The following FBLN2 variants were observed in gnomAD, a reference collection of about 807,000 sequenced individuals.
The protein encoded by FBLN2 is fibulin-2.
In FBLN2, 81 loss-of-function variants were observed where a neutral mutation model predicts 123.7. The observed-to-expected ratio is 0.65, with a 90% CI of 0.55 to 0.79. The LOEUF (loss-of-function observed/expected upper bound fraction) is 0.79, where lower values mean the gene tolerates loss of function less well. Ranked by LOEUF, FBLN2 falls within the 30% of genes least tolerant of loss-of-function variation. The pLI, the probability that FBLN2 is intolerant of heterozygous loss-of-function variation, is 0.00. For synonymous variants in FBLN2, 699 were observed against 701.4 expected, an observed-to-expected ratio of 1.00 and a Z score of 0.05; for missense variants, 1,603 against 1,681.3, an observed-to-expected ratio of 0.95 and a Z score of 0.81.
intron 5 of FBLN2, 144 bp from the exon 6 acceptor site, chr3:13,617,932 A>G: frequency 4.4e-6 from 3 of 686,838 alleles, no homozygotes; most frequent in Non-Finnish European, 5.0e-6. Flanking sequence ...CCACCCATCC[A>G]TCCATCCTGC....
intron 1 of FBLN2, among the ~76,000 whole-genome samples, chr3:13,555,471 T>C (rs1403609914): frequency 6.6e-6 from 1 of 152,126 alleles, no homozygotes; most frequent in African/African-American, 2.4e-5. Flanking sequence ...TATTTATTTT[T>C]TGAGATGGAG....
chr3:13,628,920 C>G lies in FBLN2; in HGVS notation c.2585C>G (p.Thr862Arg). 1 of 1,612,964 alleles carries G rather than the reference C, an allele frequency of 6.2e-7. No individual in the cohort carries two copies. Among genetic ancestry groups the G allele is most frequent in the East Asian group, 2.2e-5 (1 of 44,836 alleles). ...GCCTCTGCAGACATCAACGAGTGCA[C>G]GTCACTGTCCGAGCCATGTCGGCCA... ...EGNCVDINEC[T>R]SLSEPCRPGF... Residue 862 changes from threonine (T) to arginine (R), a missense_variant, in exon 12 of 18, where the codon ACG becomes AGG. Transcript: ENST00000404922.
chr3:13,629,789 T>C (rs1355926168), intron 13 of FBLN2, 31 bp from the exon 14 acceptor site: 1 of 1,551,900 alleles, frequency 6.4e-7, no homozygotes, highest in South Asian at 1.2e-5. Flanking sequence ...TAGGGCCACC[T>C]ACCCTGTACC....
At chr3:13,633,911 A>G (rs963258755) in intron 16 of FBLN2, among the ~76,000 whole-genome samples, 2 of 139,818 alleles carry the variant, frequency 1.4e-5, no homozygotes, top group East Asian at 2.4e-4. Flanking sequence ...GTTTGCATGC[A>G]TTTCCCTCCA....
intron 2 of FBLN2, among the ~76,000 whole-genome samples, chr3:13,606,120 G>A (rs1333728698): frequency 1.3e-5 from 2 of 152,074 alleles, no homozygotes; most frequent in African/African-American, 2.4e-5. Flanking sequence ...GGCTGGTCTC[G>A]AACTCCTGAG....
chr3:13,558,510 G>A (rs1703519466), intron 1 of FBLN2, among the ~76,000 whole-genome samples: 1 of 152,076 alleles, frequency 6.6e-6, no homozygotes, highest in Non-Finnish European at 1.5e-5. Flanking sequence ...GACTAGCCAG[G>A]TGACTTCAGG....
At chr3:13,563,288 G>A (rs1273962385) in intron 1 of FBLN2, among the ~76,000 whole-genome samples, 1 of 152,192 alleles carries the variant, frequency 6.6e-6, no homozygotes, top group African/African-American at 2.4e-5. Context: ...CTCACCTGGA[G>A]GTGCACATGT....
At chr3:13,583,322 T>A (rs1298526613) in intron 2 of FBLN2, among the ~76,000 whole-genome samples, 1 of 152,272 alleles carries the variant, frequency 6.6e-6, no homozygotes, top group Admixed American at 6.5e-5. Context: ...CATCATTATG[T>A]CCATTTTGTA....
At chr3:13,611,001 G>C (rs548438262) in intron 4 of FBLN2, among the ~76,000 whole-genome samples, 3 of 151,946 alleles carry the variant, frequency 2.0e-5, no homozygotes, top group African/African-American at 4.8e-5. Flanking sequence ...CCACCTCCCG[G>C]GTTCAAGCAA....
At chr3:13,560,623 GC>G (rs1703576910) in intron 1 of FBLN2, among the ~76,000 whole-genome samples, 2 of 152,284 alleles carry the variant, frequency 1.3e-5, no homozygotes, top group Admixed American at 1.3e-4. Flanking sequence ...TAAGACATTT[GC>G]CCGCGAGGAA....
chr3:13,549,193 A>G lies in FBLN2; in HGVS notation c.-57A>G, dbSNP rs1703256854. ...CGGGCGGACGGACGGACGGACGCCG[A>G]GCGCAGTGCCCCGCGGTGAGTGCAC... On this transcript the variant is annotated 5_prime_UTR_variant, in exon 1 of 18. Coordinates refer to ENST00000404922, the MANE Select transcript of FBLN2 (RefSeq NM_001004019.2). 9 of 982,374 alleles carry G rather than the reference A, an allele frequency of 9.2e-6. No homozygotes were observed. The South Asian group carries it at 3.3e-4, about 36-fold the overall frequency. The allele number at this position is 982,374 out of a possible 1,614,324, so 60.9% of individuals were successfully genotyped here.
In FBLN2 at chr3:13,619,002, C is replaced by T. The variant is rs774802595; in HGVS notation, c.2038C>T (p.Pro680Ser). 1.2e-6 allele frequency: 2 copies of T among 1,611,062 alleles called. No individual in the cohort carries two copies. Among genetic ancestry groups the T allele is most frequent in the East Asian group, 4.5e-5 (2 of 44,790 alleles). ...SNTIPLPLPQ[P>S]NTCKDNGPCK... ...CACCATCCCGCTGCCACTGCCGCAG[C>T]CCAATACCTGCAAAGGTAAGCAGTG... is the stretch of plus-strand genomic sequence containing the variant. Residue 680 changes from proline (P) to serine (S), a missense_variant, in exon 7 of 18, where the codon CCC becomes TCC. Physicochemically the swap from Pro to Ser is moderately conservative, Grantham distance 74. Transcript: ENST00000404922.
chr3:13,631,358 A>G lies in FBLN2; in HGVS notation c.3115A>G (p.Ile1039Val), dbSNP rs374086536. The G allele has an allele frequency of 3.6e-5, 58 of 1,603,396 alleles. No individual in the cohort carries two copies. The highest frequency in any genetic ancestry group is 4.6e-5 in the Non-Finnish European group (54 of 1,175,536). Reference sequence around the variant, plus strand: ...CGACGAGTGTGCTCAAGGCGCCGGCATCCTCTGCACCTTCCGCTGTCTCAA... The same window carrying G: ...CGACGAGTGTGCTCAAGGCGCCGGCGTCCTCTGCACCTTCCGCTGTCTCAA... ...DIDECAQGAG[I>V]LCTFRCLNVP... The change falls in exon 16 of 18, where the codon ATC becomes GTC. Residue 1039 changes from isoleucine to valine, a missense_variant. Coordinates refer to ENST00000404922, the MANE Select transcript of FBLN2 (RefSeq NM_001004019.2).
chr3:13,622,037 C>G (rs1290012879), intron 9 of FBLN2, 122 bp downstream of exon 9: 2 of 1,150,022 alleles, frequency 1.7e-6, no homozygotes, highest in Non-Finnish European at 2.4e-6. Context: ...CTCAGCACAG[C>G]CGGCATCTCC....
At chr3:13,550,150 C>A (rs1703282570) in intron 1 of FBLN2, among the ~76,000 whole-genome samples, 1 of 152,354 alleles carries the variant, frequency 6.6e-6, no homozygotes, top group East Asian at 1.9e-4. Flanking sequence ...TCCCAGCCCC[C>A]CTGGCACTCC....
intron 8 of FBLN2, among the ~76,000 whole-genome samples, chr3:13,621,419 G>T (rs1044208183): frequency 6.6e-6 from 1 of 152,136 alleles, no homozygotes; most frequent in Non-Finnish European, 1.5e-5. Context: ...TGGCTGGCCT[G>T]GTCCCCTAAG....
Position 13,571,482 on chromosome 3 carries a change from C to T in FBLN2, c.1127C>T (p.Ser376Phe), listed in dbSNP as rs1476223879. Residue 376 changes from serine to phenylalanine, a missense_variant, in exon 2 of 18, where the codon TCT (serine) becomes TTT (phenylalanine). Ser to Phe is a radical substitution (Grantham distance 155). Coordinates refer to ENST00000404922, the MANE Select transcript of FBLN2 (RefSeq NM_001004019.2). Reference sequence around the variant, plus strand: ...GTCCCAACTCAGGCCGTGCCTGGCTCTCCCAGGGACCCAGTCAAGCCCAGC... The same window carrying T: ...GTCCCAACTCAGGCCGTGCCTGGCTTTCCCAGGGACCCAGTCAAGCCCAGC... ...ALVPTQAVPG[S>F]PRDPVKPSPH... 2 of 1,613,562 alleles carry T rather than the reference C, an allele frequency of 1.2e-6. No homozygotes were observed. The highest frequency in any genetic ancestry group is 4.5e-5 in the East Asian group (2 of 44,858).
chr3:13,566,895 G>A (rs1038249541), intron 1 of FBLN2, among the ~76,000 whole-genome samples: 1 of 152,248 alleles, frequency 6.6e-6, no homozygotes, highest in Non-Finnish European at 1.5e-5. Flanking sequence ...GTGGGCCCCC[G>A]ACTATGACCT....
At chr3:13,563,818 C>T (rs1316309336) in intron 1 of FBLN2, among the ~76,000 whole-genome samples, 1 of 152,172 alleles carries the variant, frequency 6.6e-6, no homozygotes, top group African/African-American at 2.4e-5. Context: ...AGAGGCAGGT[C>T]CTAACCCAGG....
Sources: gnomAD v4.1 joint callset for allele counts (sites outside exome capture counted in the v4.1 genomes callset) on GRCh38, gnomAD v4.1.1 for gene constraint, MANE v1.5 for transcripts, NCBI Gene and HGNC (gene_info 2026-07-23, HGNC 2026-07-21) for gene names.